The following TNRC6C variants were observed in gnomAD, a reference collection of about 807,000 sequenced individuals.
TNRC6C encodes trinucleotide repeat-containing gene 6C protein.
In TNRC6C, 20 loss-of-function variants were observed where a neutral mutation model predicts 153.7. That is an observed-to-expected ratio of 0.13 (90% CI 0.09 to 0.19). The LOEUF (loss-of-function observed/expected upper bound fraction) is 0.19, where lower values mean the gene tolerates loss of function less well. Ranked by LOEUF, TNRC6C falls within the 10% of genes least tolerant of loss-of-function variation. TNRC6C has a pLI of 1.00. For missense variants in TNRC6C, 1,987 were observed against 2,172.0 expected (o/e 0.91, Z 1.69); for synonymous variants, 811 against 841.4 (o/e 0.96, Z 0.63).
rs781505548 is a variant in TNRC6C at position 78,104,516 on chromosome 17, G to A, written c.4744G>A (p.Glu1582Lys). 8 of 1,525,840 alleles carry A rather than the reference G, an allele frequency of 5.2e-6. No individual in the cohort carries two copies. The highest frequency in any genetic ancestry group is 5.3e-6 in the Non-Finnish European group (6 of 1,132,068). 94.5% of individuals were successfully genotyped at this position (1,525,840 alleles called of 1,614,324 possible). The change falls in exon 20 of 20, where the codon GAG (glutamate) becomes AAG (lysine). Residue 1582 changes from glutamate to lysine, a missense_variant. Coordinates refer to ENST00000301624, the Ensembl canonical transcript of TNRC6C. The surrounding 1 kb of genome is among the most constrained non-coding windows in gnomAD (Gnocchi z 6.2). Reference sequence around the variant, plus strand: ...CCTGGGAAACACTACCATCCTGGCCGAGTTCGCTGGTGAAGAAGAAGTGAA... The same window carrying A: ...CCTGGGAAACACTACCATCCTGGCCAAGTTCGCTGGTGAAGAAGAAGTGAA...
At chr17:78,100,353 G>T (rs1349729732) in intron 17 of TNRC6C, among the ~76,000 whole-genome samples, 1 of 152,204 alleles carries the variant, frequency 6.6e-6, no homozygotes, top group African/African-American at 2.4e-5. Context: ...GAACATCCAG[G>T]CATTTCCGTA....
rs1368767826 is a variant in TNRC6C, at chr17:77,991,123, A to C, written c.-37-13047A>C. 7.2e-5 allele frequency among the ~76,000 whole-genome samples: 11 copies of C among 152,298 alleles called. No individual in the cohort carries two copies. In the East Asian group the frequency reaches 2.1e-3, roughly 29 times the overall value. ...ATGTATGTTGCTCGTTATTCTGTAC[A>C]AGTGTTAATAGGATTTTTCTGTAGC... On this transcript the variant is annotated intron_variant, in intron 1 of 22. Transcript: ENST00000636222.
chr17:78,065,348 C>G (rs534088267), intron 4 of TNRC6C, among the ~76,000 whole-genome samples: 1 of 150,618 alleles, frequency 6.6e-6, no homozygotes, highest in African/African-American at 2.5e-5. Context: ...GACCCCATCT[C>G]TTTAAAAAGG....
intron 1 of TNRC6C, among the ~76,000 whole-genome samples, chr17:78,027,378 A>T (rs956852900): frequency 3.3e-5 from 5 of 152,192 alleles, no homozygotes; most frequent in African/African-American, 1.2e-4. Context: ...TAATTACAGT[A>T]GCCAGACAGT....
chr17:77,976,265 A>G (rs1282331790), intron 1 of TNRC6C, among the ~76,000 whole-genome samples: 2 of 144,104 alleles, frequency 1.4e-5, no homozygotes, highest in Non-Finnish European at 2.9e-5. Flanking sequence ...TAACCCTATC[A>G]TAGACATGAC....
At chr17:77,961,628 GC>G (rs2070863610) in intron 1 of TNRC6C, among the ~76,000 whole-genome samples, 1 of 152,110 alleles carries the variant, frequency 6.6e-6, no homozygotes, top group African/African-American at 2.4e-5. Flanking sequence ...ATTGCGGGGG[GC>G]GAGGGTGGGT....
chr17:78,091,346 C>G, intron 13 of TNRC6C, 94 bp from the exon 16 acceptor site: 1 of 1,287,584 alleles, frequency 7.8e-7, no homozygotes. Context: ...AAAAAATTTG[C>G]TGTAAGCGAA....
chr17:78,077,415 TA>T, intron 9 of TNRC6C, 81 bp downstream of exon 11: 1 of 1,498,736 alleles, frequency 6.7e-7, no homozygotes, highest in South Asian at 1.2e-5. Flanking sequence ...TAAACTTACT[TA>T]TTTATAGTTA....
intron 2 of TNRC6C, among the ~76,000 whole-genome samples, chr17:78,038,524 A>T (rs545231529): frequency 1.3e-5 from 2 of 151,820 alleles, no homozygotes; most frequent in South Asian, 4.2e-4. Flanking sequence ...AAAAAAATAC[A>T]AAAAATTAGC....
chr17:78,017,613 TCTC>T (rs573175989), intron 1 of TNRC6C, among the ~76,000 whole-genome samples: 13 of 152,320 alleles, frequency 8.5e-5, no homozygotes, highest in Non-Finnish European at 1.8e-4. Flanking sequence ...GCTCCAGGCT[TCTC>T]CTAGTGTGGC....
At position 78,012,575 on chromosome 17, in the gene TNRC6C, T is replaced by C. The variant is rs191720999; in HGVS notation, c.-546+7496T>C. 4.2e-3 allele frequency among the ~76,000 whole-genome samples: 638 copies of C among 152,354 alleles called. 5 individuals carry two copies. The highest frequency in any genetic ancestry group is 0.014 in the African/African-American group (585 of 41,582). On this transcript the variant is annotated intron_variant, in intron 1 of 19. Coordinates refer to ENST00000301624, the Ensembl canonical transcript of TNRC6C. ...CCAGGCAGATAAGCAAATATATGTA[T>C]ATGCAAATGAATGCAATAAAATGTT... is the stretch of plus-strand genomic sequence containing the variant.
chr17:78,070,338 A>C (rs916468352), intron 5 of TNRC6C, among the ~76,000 whole-genome samples: 3 of 152,228 alleles, frequency 2.0e-5, no homozygotes, highest in Admixed American at 1.3e-4. Context: ...ATGCTCCATG[A>C]TATAGCTGTG....
chr17:78,065,129 G>A (rs947532885), intron 4 of TNRC6C, among the ~76,000 whole-genome samples, 192 bp downstream of exon 6: 11 of 152,196 alleles, frequency 7.2e-5, no homozygotes, highest in Admixed American at 1.3e-4. Flanking sequence ...CAGGAGGATC[G>A]CTTGAGCGCA....
chr17:78,071,640 G>A (rs1011193789), intron 6 of TNRC6C, among the ~76,000 whole-genome samples: 2 of 152,158 alleles, frequency 1.3e-5, no homozygotes, highest in South Asian at 2.1e-4. Flanking sequence ...TGCCCGCCTC[G>A]GCCTCCCAAA....
upstream of TNRC6C, among the ~76,000 whole-genome samples, chr17:78,000,625 C>CG (rs1016757650): frequency 6.3e-5 from 4 of 62,996 alleles, 1 homozygote; most frequent in East Asian, 5.3e-4. Flanking sequence ...TCCGCCCCCC[C>CG]CCCCCCACAC....
intron 6 of TNRC6C, 51 bp downstream of exon 8, chr17:78,071,216 T>A (rs370935435): frequency 6.6e-7 from 1 of 1,524,834 alleles, no homozygotes; most frequent in East Asian, 2.4e-5. Flanking sequence ...CAAAATGAAA[T>A]GCCCTCATTG....
intron 1 of TNRC6C, among the ~76,000 whole-genome samples, chr17:77,965,899 T>C (rs1029821421): frequency 6.6e-6 from 1 of 152,228 alleles, no homozygotes; most frequent in Non-Finnish European, 1.5e-5. Context: ...TATGTGGCCA[T>C]TGAACATTGT....
intron 1 of TNRC6C, among the ~76,000 whole-genome samples, chr17:78,028,866 G>A (rs542515059): frequency 9.7e-4 from 147 of 152,252 alleles, no homozygotes; most frequent in African/African-American, 2.8e-3. Context: ...TAGATGTAAT[G>A]TCCTGGATAA....
chr17:77,968,237 T>G (rs2070913734), intron 1 of TNRC6C, among the ~76,000 whole-genome samples: 2 of 151,930 alleles, frequency 1.3e-5, no homozygotes, highest in Admixed American at 6.6e-5. Flanking sequence ...TTTCACCATG[T>G]TGGCCAGGCT....
Sources: allele counts gnomAD v4.1 joint callset (sites outside exome capture counted in the v4.1 genomes callset), GRCh38; gene constraint gnomAD v4.1.1; non-coding constraint Gnocchi (gnomAD v3.1); transcripts MANE v1.5; gene names NCBI Gene and HGNC (gene_info 2026-07-23, HGNC 2026-07-21).